The following EDDM13 variants were observed in gnomAD, a reference collection of about 807,000 sequenced individuals.
EDDM13 encodes epididymal protein 13.
EDDM13 carries 24 observed loss-of-function variants against 17.8 expected under a neutral mutation model. That is an observed-to-expected ratio of 1.35 (90% CI 0.98 to 1.90). EDDM13 has a LOEUF of 1.90. Ranked by LOEUF, EDDM13 falls within the 40% of genes most tolerant of loss-of-function variation. EDDM13 has a pLI of 0.00. For missense variants in EDDM13, 97 were observed against 100.8 expected, an observed-to-expected ratio of 0.96 and a Z score of 0.16; for synonymous variants, 31 against 37.5, an observed-to-expected ratio of 0.83 and a Z score of 0.63.
chr19:56,280,120 G>T (rs368763386), intron 2 of EDDM13, among the ~76,000 whole-genome samples: 1 of 152,204 alleles, frequency 6.6e-6, no homozygotes. Context: ...TATGCAAGTA[G>T]AAACAAATGT....
chr19:56,276,240 G>A (rs1427695609), intron 2 of EDDM13, among the ~76,000 whole-genome samples, 131 bp downstream of exon 2: 2 of 152,140 alleles, frequency 1.3e-5, no homozygotes, highest in Non-Finnish European at 2.9e-5. Flanking sequence ...CCTGCCATGG[G>A]GTCTGGACAT....
chr19:56,291,310 C>T (rs1479143854), intron 9 of EDDM13, among the ~76,000 whole-genome samples: 1 of 152,190 alleles, frequency 6.6e-6, no homozygotes, highest in Non-Finnish European at 1.5e-5. Flanking sequence ...TCTTCCTAAT[C>T]TCTGGAAGAT....
At chr19:56,297,157 T>A (rs1052004011) in intron 11 of EDDM13, among the ~76,000 whole-genome samples, 1 of 151,784 alleles carries the variant, frequency 6.6e-6, no homozygotes, top group African/African-American at 2.4e-5. Flanking sequence ...CAGAGATAAC[T>A]GGGGGAAAGG....
chr19:56,304,965 A>G (rs2040587804), intron 14 of EDDM13, 135 bp downstream of exon 14: 1 of 200,244 alleles, frequency 5.0e-6, no homozygotes, highest in Non-Finnish European at 8.9e-6. Flanking sequence ...CCAGAATTCC[A>G]TGAGAAGTCC....
chr19:56,277,592 T>A (rs1211623181), intron 2 of EDDM13, among the ~76,000 whole-genome samples: 1 of 152,028 alleles, frequency 6.6e-6, no homozygotes, highest in Non-Finnish European at 1.5e-5. Context: ...TTGGGGTGAT[T>A]AAAGCCTCTA....
intron 11 of EDDM13, among the ~76,000 whole-genome samples, chr19:56,296,622 G>T (rs912308798): frequency 6.6e-6 from 1 of 152,174 alleles, no homozygotes; most frequent in Non-Finnish European, 1.5e-5. Context: ...GTGACCAAGT[G>T]AAACTTGTAT....
chr19:56,284,976 T>G (rs1303110149), intron 5 of EDDM13, 22 bp from the exon 6 acceptor site: 3 of 983,430 alleles, frequency 3.1e-6, no homozygotes, highest in Non-Finnish European at 3.6e-6. Context: ...TTGCACATCA[T>G]GTGTTATGTC....
In EDDM13 at chr19:56,301,819, A is replaced by C. The variant is rs1235141716; in HGVS notation, c.296-149A>C. 4 of 824,422 alleles carry C rather than the reference A, an allele frequency of 4.9e-6. No individual in the cohort carries two copies. The Admixed American group carries it at 1.3e-4, about 27-fold the overall frequency. The allele number at this position is 824,422 out of a possible 1,614,324, so 51.1% of individuals were successfully genotyped here. Reference sequence around the variant, plus strand: ...GGTAACCAAGAAGGGGGAAGCTGGCAGTGATGGTGGGTGTGGACCAAAATT... The same window carrying C: ...GGTAACCAAGAAGGGGGAAGCTGGCCGTGATGGTGGGTGTGGACCAAAATT... On this transcript the variant is annotated intron_variant, in intron 12 of 14. Transcript: ENST00000649256.
At chr19:56,301,870 T>G in intron 12 of EDDM13, 98 bp from the exon 13 acceptor site, 7 of 1,221,630 alleles carry the variant, frequency 5.7e-6, no homozygotes, top group Non-Finnish European at 7.1e-6. Context: ...GGCAGAGATG[T>G]GAGTTTGGAG....
chr19:56,302,488 CCTT>C (rs1474471077), intron 13 of EDDM13, among the ~76,000 whole-genome samples: 10 of 134,884 alleles, frequency 7.4e-5, no homozygotes, highest in Non-Finnish European at 7.9e-5. Context: ...TCCTTCCCAT[CCTT>C]CTTCCCTCTC....
chr19:56,309,708 G>A (rs1377623297), intron 14 of EDDM13, among the ~76,000 whole-genome samples: 1 of 152,210 alleles, frequency 6.6e-6, no homozygotes, highest in East Asian at 1.9e-4. Flanking sequence ...AGCCAGGCCT[G>A]GGCAGTCCCT....
At chr19:56,303,049 T>C in intron 13 of EDDM13, 2 of 395,366 alleles carry the variant, frequency 5.1e-6, no homozygotes. Context: ...TGGAAGCCTT[T>C]CTGCAGGAGG....
At chr19:56,294,058 C>T (rs1014814852) in intron 9 of EDDM13, among the ~76,000 whole-genome samples, 2 of 152,220 alleles carry the variant, frequency 1.3e-5, no homozygotes, top group African/African-American at 2.4e-5. Flanking sequence ...CTCCAGCCTC[C>T]GTCCTCATGC....
intron 13 of EDDM13, among the ~76,000 whole-genome samples, chr19:56,302,619 C>T (rs532361672): frequency 3.9e-5 from 5 of 126,948 alleles, no homozygotes; most frequent in Admixed American, 8.0e-5. Context: ...CTCCCTCTTC[C>T]TCCCTCCCTC....
chr19:56,291,065 G>A lies in EDDM13; in HGVS notation c.232+219G>A, dbSNP rs150930413. 5.0e-3 allele frequency among the ~76,000 whole-genome samples: 757 copies of A among 152,308 alleles called. 8 individuals carry two copies. Among genetic ancestry groups the A allele is most frequent in the African/African-American group, 0.017 (727 of 41,574 alleles). Reference sequence around the variant, plus strand: ...AGCCGTGAGGGTGTGTCTGGGATACGGTGGGTCTGGGGCTACATGCAGGAC... The same window carrying A: ...AGCCGTGAGGGTGTGTCTGGGATACAGTGGGTCTGGGGCTACATGCAGGAC... On this transcript the variant is annotated intron_variant, in intron 9 of 14. Coordinates refer to ENST00000649256, the MANE Select transcript of EDDM13 (RefSeq NM_001354658.2).
chr19:56,302,681 CTCCTTCTCTCTCCT>C (rs1415393708), intron 13 of EDDM13, among the ~76,000 whole-genome samples: 1 of 143,420 alleles, frequency 7.0e-6, no homozygotes, highest in Non-Finnish European at 1.5e-5. Flanking sequence ...TCCTCCTTCC[CTCCTTCTCTCTCCT>C]TCCTTCTCTT....
chr19:56,302,656 T>C lies in EDDM13; in HGVS notation c.423+561T>C, dbSNP rs186195444. 2.3e-3 allele frequency among the ~76,000 whole-genome samples: 168 copies of C among 71,800 alleles called. 1 individual carries two copies. The highest frequency in any genetic ancestry group is 0.021 in the Middle Eastern group (2 of 96). 47.1% of individuals were successfully genotyped at this position (71,800 alleles called of 152,430 possible). A position where few individuals can be genotyped will look rare whatever the true frequency, so the allele number is the denominator to read the frequency against. ...TCCTCCCTTCCTTTTCTTCCCCCCC[T>C]CCCTGTTCTTTCCTTCCTCCTTCCC... On this transcript the variant is annotated intron_variant, in intron 13 of 14. Transcript: ENST00000649256.
chr19:56,280,623 T>C (rs1204429223), intron 2 of EDDM13: 2 of 152,236 alleles, frequency 1.3e-5, no homozygotes, highest in African/African-American at 4.8e-5. Context: ...TAGAAATTTA[T>C]TGGCTCATGT....
At chr19:56,295,134 C>T (rs981470691) in intron 9 of EDDM13, 1 of 152,170 alleles carries the variant, frequency 6.6e-6, no homozygotes, top group African/African-American at 2.4e-5. Context: ...CTAAAAACTA[C>T]TGTCTTGTAC....
Sources: gnomAD v4.1 joint callset for allele counts (sites outside exome capture counted in the v4.1 genomes callset) on GRCh38, gnomAD v4.1.1 for gene constraint, MANE v1.5 for transcripts, NCBI Gene and HGNC (gene_info 2026-07-23, HGNC 2026-07-21) for gene names.